The following GABRA2 variants were observed in gnomAD, a reference collection of about 807,000 sequenced individuals.
GABRA2 encodes the protein gamma-aminobutyric acid type A receptor subunit alpha2.
Under a neutral mutation model 48.7 loss-of-function variants are expected in GABRA2, and 16 were observed. The observed-to-expected ratio is 0.33, with a 90% CI of 0.22 to 0.50. The LOEUF is 0.50. GABRA2 is among the 20% of genes least tolerant of loss of function. The probability of loss-of-function intolerance (pLI) is 0.98; values close to 1 mark genes in which losing one functional copy is unlikely to be tolerated. For missense variants in GABRA2, 275 were observed against 535.6 expected (o/e 0.51, Z 4.80); for synonymous variants, 185 against 184.5 (o/e 1.00, Z -0.02).
At chr4:46,354,676 A>C (rs1472787694) in intron 3 of GABRA2, among the ~76,000 whole-genome samples, 2 of 152,176 alleles carry the variant, frequency 1.3e-5, no homozygotes, top group Admixed American at 6.6e-5. Context: ...TGGCTTTTAA[A>C]AAAACCTTTA....
intron 3 of GABRA2, among the ~76,000 whole-genome samples, chr4:46,371,924 G>C (rs1714959615): frequency 6.6e-6 from 1 of 152,104 alleles, no homozygotes. Context: ...GTAGGACATG[G>C]TAGCCTGAGC....
chr4:46,324,943 C>T (rs551491906), intron 4 of GABRA2, among the ~76,000 whole-genome samples: 3 of 151,938 alleles, frequency 2.0e-5, no homozygotes, highest in South Asian at 2.1e-4. Flanking sequence ...GTACACAGAC[C>T]GCATTTTCTT....
At chr4:46,275,718 T>C (rs1362509592) in intron 8 of GABRA2, among the ~76,000 whole-genome samples, 1 of 152,140 alleles carries the variant, frequency 6.6e-6, no homozygotes, top group Non-Finnish European at 1.5e-5. Flanking sequence ...AAATGCAGTG[T>C]GACTGGTCCT....
At chr4:46,387,365 A>G (rs1279409772) in intron 2 of GABRA2, among the ~76,000 whole-genome samples, 1 of 152,240 alleles carries the variant, frequency 6.6e-6, no homozygotes, top group Non-Finnish European at 1.5e-5. Flanking sequence ...GTCCATTTGC[A>G]TTTAAATGAT....
intron 8 of GABRA2, among the ~76,000 whole-genome samples, chr4:46,272,513 GCTCT>G (rs1719534846): frequency 6.6e-6 from 1 of 151,892 alleles, no homozygotes; most frequent in Non-Finnish European, 1.5e-5. Flanking sequence ...AGCCAGATAA[GCTCT>G]CTAAGAGATA....
chr4:46,374,523 C>T (rs1408911177), intron 3 of GABRA2, among the ~76,000 whole-genome samples: 2 of 152,048 alleles, frequency 1.3e-5, no homozygotes, highest in Non-Finnish European at 2.9e-5. Context: ...ATACCTTCTT[C>T]AACTTTCCTT....
chr4:46,355,359 C>A (rs1735795153), intron 3 of GABRA2, among the ~76,000 whole-genome samples: 2 of 152,074 alleles, frequency 1.3e-5, no homozygotes, highest in Non-Finnish European at 2.9e-5. Flanking sequence ...TAAAAATACT[C>A]CAACAGATTG....
chr4:46,309,102 A>G (rs2109667414), intron 6 of GABRA2, among the ~76,000 whole-genome samples: 1 of 152,296 alleles, frequency 6.6e-6, no homozygotes, highest in Non-Finnish European at 1.5e-5. Flanking sequence ...CCATGACAAT[A>G]AAAGAAGCCT....
intron 8 of GABRA2, among the ~76,000 whole-genome samples, chr4:46,287,182 T>C (rs9291282): frequency 0.39 from 59,231 of 152,008 alleles, 12,042 homozygotes; most frequent in East Asian, 0.5. Context: ...GGCAGTTATC[T>C]GGCTATAACA....
chr4:46,368,166 T>C (rs1310516776), intron 3 of GABRA2: 2 of 152,102 alleles, frequency 1.3e-5, no homozygotes, highest in Admixed American at 6.6e-5. Context: ...GTGAGCAAGA[T>C]ACATGATCGA....
chr4:46,356,745 G>T (rs1340740686), intron 3 of GABRA2, among the ~76,000 whole-genome samples: 2 of 152,108 alleles, frequency 1.3e-5, no homozygotes, highest in Non-Finnish European at 2.9e-5. Flanking sequence ...TCTACTGCTG[G>T]AATAACACTT....
rs567993630 is a variant in GABRA2 at position 46,244,803 on chromosome 4, A to G, written c.*5505T>C. On this transcript the variant is annotated 3_prime_UTR_variant, in exon 10 of 10. Transcript: ENST00000381620. The stretch of plus-strand genomic sequence containing the variant: ...AGAAAACTGCAATATATTCCCAGAA[A>G]CTAAATTGTACCAAAGAAGTTAGTA... 7.5e-4 allele frequency among the ~76,000 whole-genome samples: 113 copies of G among 151,608 alleles called. No individual in the cohort carries two copies. The highest frequency in any genetic ancestry group is 2.7e-3 in the African/African-American group (110 of 41,508).
At position 46,265,486 on chromosome 4, in the gene GABRA2, T is replaced by TATAA. The variant is rs1560448811; in HGVS notation, c.857-3359_857-3358insTTAT. On this transcript the variant is annotated intron_variant, in intron 8 of 9. Coordinates refer to ENST00000381620, the MANE Select transcript of GABRA2 (RefSeq NM_000807.4). ...ATATATATAATATATTGTGTATATA[T>TATAA]TATATATATATATATATGTTTTCTC... Among the ~76,000 whole-genome samples the TATAA allele has an allele frequency of 2.2e-4, 29 of 131,086 alleles. 1 individual carries two copies. The highest frequency in any genetic ancestry group is 3.6e-3 in the Middle Eastern group (1 of 276). The allele number at this position is 131,086 out of a possible 152,430, so 86.0% of individuals were successfully genotyped here. A position where few individuals can be genotyped will look rare whatever the true frequency, so the allele number is the denominator to read the frequency against.
At chr4:46,348,710 G>A in intron 3 of GABRA2, among the ~76,000 whole-genome samples, 1 of 145,398 alleles carries the variant, frequency 6.9e-6, no homozygotes, top group Non-Finnish European at 1.5e-5. Context: ...TCACTCATAG[G>A]TGGGAATTGA....
intron 8 of GABRA2, among the ~76,000 whole-genome samples, chr4:46,302,038 T>C (rs1280914896): frequency 6.6e-6 from 1 of 152,016 alleles, no homozygotes; most frequent in Non-Finnish European, 1.5e-5. Context: ...AATAAACTCA[T>C]GGAATGAATA....
chr4:46,341,296 G>A (rs1201622759), intron 3 of GABRA2, among the ~76,000 whole-genome samples: 2 of 151,796 alleles, frequency 1.3e-5, no homozygotes, highest in African/African-American at 2.4e-5. Flanking sequence ...TTCTTTTCAT[G>A]GGTCATAGTT....
At chr4:46,255,497 T>C (rs1715637397) in intron 9 of GABRA2, among the ~76,000 whole-genome samples, 1 of 151,578 alleles carries the variant, frequency 6.6e-6, no homozygotes, top group South Asian at 2.1e-4. Context: ...TTTAGACCCA[T>C]ATCAGAAGGT....
At chr4:46,389,114 G>A (rs1717885552) in intron 1 of GABRA2, 1 of 1,000,410 alleles carries the variant, frequency 1.0e-6, no homozygotes, top group African/African-American at 1.7e-5. Context: ...GGGGAGGAAA[G>A]GAGAGGAGAG....
chr4:46,348,470 G>A (rs1734541845), intron 3 of GABRA2, among the ~76,000 whole-genome samples: 1 of 151,926 alleles, frequency 6.6e-6, no homozygotes, highest in African/African-American at 2.4e-5. Context: ...AAAGACACAT[G>A]CACACATATG....
Sources: allele counts gnomAD v4.1 joint callset (sites outside exome capture counted in the v4.1 genomes callset), GRCh38; gene constraint gnomAD v4.1.1; transcripts MANE v1.5; gene names NCBI Gene and HGNC (gene_info 2026-07-23, HGNC 2026-07-21).